The following ZBTB7C variants were observed in gnomAD, a reference collection of about 807,000 sequenced individuals.
The protein encoded by ZBTB7C is zinc finger and BTB domain-containing protein 7C.
In ZBTB7C, 8 loss-of-function variants were observed where a neutral mutation model predicts 25.7. That is an observed-to-expected ratio of 0.31 (90% CI 0.18 to 0.56). The LOEUF (loss-of-function observed/expected upper bound fraction) is 0.56. Ranked by LOEUF, ZBTB7C falls within the 20% of genes least tolerant of loss-of-function variation. The pLI is 0.91. For missense variants in ZBTB7C, 824 were observed against 855.2 expected, an observed-to-expected ratio of 0.96 and a Z score of 0.46; for synonymous variants, 394 against 369.0, an observed-to-expected ratio of 1.07 and a Z score of -0.78.
At chr18:48,237,388 G>A (rs1315309175) in intron 2 of ZBTB7C, among the ~76,000 whole-genome samples, 1 of 152,086 alleles carries the variant, frequency 6.6e-6, no homozygotes, top group East Asian at 1.9e-4. Context: ...GTACAAATGT[G>A]GGGAGCTGAG....
chr18:48,319,944 G>A (rs767003482), intron 2 of ZBTB7C, among the ~76,000 whole-genome samples: 7 of 152,136 alleles, frequency 4.6e-5, no homozygotes, highest in East Asian at 1.9e-4. Context: ...TGTCTGGGCC[G>A]TGGGTTTATA....
At position 48,378,106 on chromosome 18, in the gene ZBTB7C, G is replaced by A. The variant is rs963541397; in HGVS notation, c.-304+31120C>T. ...GCGGAGGTTGCAGTGAGCCGAGATC[G>A]CATCCTGGGCAACAAGAGTGAAACT... On this transcript the variant is annotated intron_variant, in intron 1 of 4. Transcript: ENST00000590800. Among the ~76,000 whole-genome samples the A allele has an allele frequency of 3.3e-5, 5 of 152,120 alleles. No individual in the cohort carries two copies. The South Asian group carries it at 8.3e-4, about 25-fold the overall frequency.
rs2035662000 is a variant in ZBTB7C at position 48,029,743 on chromosome 18, G to T, written c.1377C>A (p.Arg459=). 5.6e-6 allele frequency: 9 copies of T among 1,607,162 alleles called. No individual in the cohort carries two copies. Among genetic ancestry groups the T allele is most frequent in the Non-Finnish European group, 7.6e-6 (9 of 1,179,730 alleles). The change falls in exon 5 of 5, where the codon CGC becomes CGA. Residue 459 remains arginine (R), a synonymous_variant. Transcript: ENST00000590800. ...TGATGTGGCGGTGCAGGTGGTCAGA[G>T]CGCGTGAAGCTCTTGTAGCAGAACT... is the stretch of plus-strand genomic sequence containing the variant. ...QCEFCYKSFT[R]SDHLHRHIKR...
intron 2 of ZBTB7C, among the ~76,000 whole-genome samples, chr18:48,336,937 C>T (rs891457716): frequency 6.6e-6 from 1 of 152,184 alleles, no homozygotes; most frequent in Non-Finnish European, 1.5e-5. Flanking sequence ...CAGTCATAGC[C>T]AGTCCCTGAC....
intron 3 of ZBTB7C, chr18:48,083,978 G>T: frequency 1.4e-6 from 1 of 731,326 alleles, no homozygotes; most frequent in Non-Finnish European, 1.7e-6. Context: ...GGTCGTCGCA[G>T]GGACAGCCTC....
chr18:48,293,902 G>A (rs926609590), intron 2 of ZBTB7C, among the ~76,000 whole-genome samples: 2 of 152,220 alleles, frequency 1.3e-5, no homozygotes, highest in African/African-American at 4.8e-5. Flanking sequence ...ACCAGCATGA[G>A]CCACGATGCC....
intron 1 of ZBTB7C, among the ~76,000 whole-genome samples, chr18:48,404,184 G>A (rs1040113843): frequency 1.3e-5 from 2 of 152,164 alleles, no homozygotes; most frequent in African/African-American, 4.8e-5. Context: ...CCCAGGAGGC[G>A]GTAGTTGCAG....
chr18:48,291,253 T>G (rs2144687494), intron 2 of ZBTB7C, among the ~76,000 whole-genome samples: 1 of 152,290 alleles, frequency 6.6e-6, no homozygotes, highest in Admixed American at 6.5e-5. Context: ...GCCTCTCATC[T>G]TGAGTTTGTG....
At chr18:48,198,458 G>A (rs1382603544) in intron 2 of ZBTB7C, among the ~76,000 whole-genome samples, 1 of 152,186 alleles carries the variant, frequency 6.6e-6, no homozygotes, top group African/African-American at 2.4e-5. Flanking sequence ...GGGTCTCAGC[G>A]TGCTAAAACC....
At chr18:48,172,992 C>T (rs1407596908) in intron 3 of ZBTB7C, among the ~76,000 whole-genome samples, 1 of 152,222 alleles carries the variant, frequency 6.6e-6, no homozygotes, top group African/African-American at 2.4e-5. Flanking sequence ...AGAGCCTTCC[C>T]AGGCCTTGGT....
intron 3 of ZBTB7C, among the ~76,000 whole-genome samples, chr18:48,111,553 C>T (rs1422771222): frequency 5.3e-5 from 8 of 152,122 alleles, no homozygotes; most frequent in Non-Finnish European, 1.2e-4. Context: ...GGGAGGGAGG[C>T]AGAGGAGAGA....
chr18:48,300,172 A>G (rs1197885195), intron 2 of ZBTB7C, among the ~76,000 whole-genome samples: 1 of 152,160 alleles, frequency 6.6e-6, no homozygotes, highest in African/African-American at 2.4e-5. Context: ...CCTGAGCCCC[A>G]CCCAGGTCCA....
intron 1 of ZBTB7C, among the ~76,000 whole-genome samples, chr18:48,340,911 C>T (rs1479927937): frequency 2.6e-5 from 4 of 152,196 alleles, no homozygotes; most frequent in South Asian, 2.1e-4. Context: ...TGGGTGATCT[C>T]GCCATTCTTT....
At chr18:48,389,980 A>T (rs141605853) in intron 1 of ZBTB7C, among the ~76,000 whole-genome samples, 1 of 152,324 alleles carries the variant, frequency 6.6e-6, no homozygotes, top group African/African-American at 2.4e-5. Flanking sequence ...AAATTTTTTC[A>T]GTGTATTTAA....
intron 3 of ZBTB7C, among the ~76,000 whole-genome samples, chr18:48,046,905 C>T (rs900511406): frequency 6.6e-6 from 1 of 152,166 alleles, no homozygotes; most frequent in Non-Finnish European, 1.5e-5. Flanking sequence ...GTGGATCTGA[C>T]GATGGGGACA....
chr18:48,047,227 C>T (rs570138268), intron 3 of ZBTB7C, among the ~76,000 whole-genome samples: 1 of 152,268 alleles, frequency 6.6e-6, no homozygotes, highest in East Asian at 1.9e-4. Flanking sequence ...ACAGCAGTGT[C>T]CCAAAGGGGA....
At position 48,119,607 on chromosome 18, in the gene ZBTB7C, C is replaced by T. The variant is rs576481756; in HGVS notation, c.-17+66327G>A. On this transcript the variant is annotated intron_variant, in intron 3 of 4. Coordinates refer to ENST00000590800, the MANE Select transcript of ZBTB7C (RefSeq NM_001318841.2). ...TTATTAATTGAAGACTATATGTCTA[C>T]GTTTTGAATCATAGTTCATGTGTAA... 1.1e-4 allele frequency among the ~76,000 whole-genome samples: 17 copies of T among 152,296 alleles called. No homozygotes were observed. In the East Asian group the frequency reaches 2.9e-3, roughly 26 times the overall value.
At chr18:48,340,833 A>G (rs951125886) in intron 1 of ZBTB7C, among the ~76,000 whole-genome samples, 2 of 152,232 alleles carry the variant, frequency 1.3e-5, no homozygotes, top group Non-Finnish European at 2.9e-5. Flanking sequence ...CCATATGAAA[A>G]GGCAATTTTT....
At position 48,225,535 on chromosome 18, in the gene ZBTB7C, A is replaced by C. The variant is rs150600979; in HGVS notation, c.-78-39540T>G. ...TCAATCATTCCTTCCATCCATATAC[A>C]CAAGCCCCCTTTTAATGTGATTTTG... On this transcript the variant is annotated intron_variant, in intron 2 of 4. Coordinates refer to ENST00000590800, the MANE Select transcript of ZBTB7C (RefSeq NM_001318841.2). Among the ~76,000 whole-genome samples the C allele has an allele frequency of 1.2e-4, 19 of 152,246 alleles. No homozygotes were observed. In the East Asian group the frequency reaches 3.7e-3, roughly 29 times the overall value.
Sources: allele counts gnomAD v4.1 joint callset (sites outside exome capture counted in the v4.1 genomes callset), GRCh38; gene constraint gnomAD v4.1.1; transcripts MANE v1.5; gene names NCBI Gene and HGNC (gene_info 2026-07-23, HGNC 2026-07-21).